Variants in GABPB2 observed in about 807,000 individuals in gnomAD.
The protein encoded by GABPB2 is GA binding protein transcription factor subunit beta 2.
Under a neutral mutation model 39.1 loss-of-function variants are expected in GABPB2, and 23 were observed. That is an observed-to-expected ratio of 0.59 (90% CI 0.42 to 0.83). The LOEUF (loss-of-function observed/expected upper bound fraction) is 0.83. GABPB2 is among the 40% of genes least tolerant of loss of function. The pLI is 0.00. For synonymous variants in GABPB2, 184 were observed against 199.3 expected, an observed-to-expected ratio of 0.92 and a Z score of 0.65; for missense variants, 467 against 541.1, an observed-to-expected ratio of 0.86 and a Z score of 1.36.
intron 1 of GABPB2, among the ~76,000 whole-genome samples, chr1:151,087,757 C>T (rs779759876): frequency 6.6e-6 from 1 of 152,080 alleles, no homozygotes; most frequent in Non-Finnish European, 1.5e-5. Context: ...CTAATAAGGG[C>T]TCTCATAATT....
At chr1:151,107,602 C>T (rs978975743) in intron 7 of GABPB2, among the ~76,000 whole-genome samples, 6 of 151,546 alleles carry the variant, frequency 4.0e-5, no homozygotes, top group South Asian at 2.1e-4. Flanking sequence ...CCTGGGTTCA[C>T]GCACCCGGGT....
intron 3 of GABPB2, among the ~76,000 whole-genome samples, chr1:151,092,013 C>A (rs1417841221): frequency 6.6e-6 from 1 of 151,528 alleles, no homozygotes. Flanking sequence ...CCCAGGCTGG[C>A]CTTGCACTCC....
intron 1 of GABPB2, among the ~76,000 whole-genome samples, chr1:151,079,403 G>A (rs587717141): frequency 2.0e-5 from 3 of 151,984 alleles, no homozygotes; most frequent in Non-Finnish European, 2.9e-5. Context: ...TTAGCCAGGC[G>A]TGGTAGTAGG....
chr1:151,080,021 C>A (rs954093848), intron 1 of GABPB2, among the ~76,000 whole-genome samples: 2 of 151,536 alleles, frequency 1.3e-5, no homozygotes, highest in African/African-American at 4.9e-5. Context: ...TCAAGACCAG[C>A]CTGGCCAAGG....
intron 1 of GABPB2, among the ~76,000 whole-genome samples, chr1:151,083,926 A>G (rs1241447279): frequency 1.3e-5 from 2 of 150,160 alleles, no homozygotes; most frequent in Non-Finnish European, 3.0e-5. Flanking sequence ...TTTTTAGTAG[A>G]GATGGGGTTT....
At chr1:151,099,856 G>A (rs1250851690) in intron 5 of GABPB2, among the ~76,000 whole-genome samples, 3 of 152,166 alleles carry the variant, frequency 2.0e-5, no homozygotes, top group Non-Finnish European at 4.4e-5. Context: ...CCTACTTTAT[G>A]AGGTTGTTGT....
In GABPB2 at chr1:151,071,451, C is replaced by CTTTT. The variant is rs1553259139; in HGVS notation, c.-1+518_-1+519insTTTT. Among the ~76,000 whole-genome samples, 31 of 10,894 alleles carry CTTTT rather than the reference C, an allele frequency of 2.8e-3. 1 individual carries two copies. Among genetic ancestry groups the CTTTT allele is most frequent in the African/African-American group, 6.4e-3 (29 of 4,528 alleles). The allele number at this position is 10,894 out of a possible 152,430, so 7.1% of individuals were successfully genotyped here. On this transcript the variant is annotated intron_variant, in intron 1 of 8. Coordinates refer to ENST00000368918, the MANE Select transcript of GABPB2 (RefSeq NM_144618.3). ...TACGGGCCCCGCCTCTGCTTTTTTG[C>CTTTT]TCTTTTTTTTTTTTTTTTCAAAACT...
In GABPB2 at chr1:151,075,242, A is replaced by AAC. The variant is rs371057504; in HGVS notation, c.-1+4311_-1+4312dup. Among the ~76,000 whole-genome samples the AAC allele has an allele frequency of 3.9e-5, 6 of 151,904 alleles. No individual in the cohort carries two copies. In the East Asian group the frequency reaches 1.2e-3, roughly 30 times the overall value. Reference sequence around the variant, plus strand: ...TCAGGAGATCAAGACCATCCTGGCTAACACGGTGAAACTCCATCTGTACTA... The same window carrying AAC: ...TCAGGAGATCAAGACCATCCTGGCTAACACACGGTGAAACTCCATCTGTACTA... On this transcript the variant is annotated intron_variant, in intron 1 of 8. Coordinates refer to ENST00000368918, the MANE Select transcript of GABPB2 (RefSeq NM_144618.3).
chr1:151,106,805 GTTA>G (rs1259618799), intron 6 of GABPB2, among the ~76,000 whole-genome samples: 2 of 152,174 alleles, frequency 1.3e-5, no homozygotes, highest in Non-Finnish European at 2.9e-5. Flanking sequence ...TTTAGTGAAA[GTTA>G]TTAATACCTC....
Position 151,121,793 on chromosome 1 carries a change from G to A in GABPB2, c.*3537G>A, listed in dbSNP as rs587642487. On this transcript the variant is annotated 3_prime_UTR_variant, in exon 9 of 9. Transcript: ENST00000368918. Reference sequence around the variant, plus strand: ...GCATGGAGTTTTTCCCAAAGAAAGGGAATATGGATGGAGAGAGAGAGGTTA... The same window carrying A: ...GCATGGAGTTTTTCCCAAAGAAAGGAAATATGGATGGAGAGAGAGAGGTTA... 6.6e-6 allele frequency: 1 copy of A among 152,296 alleles called. No individual in the cohort carries two copies. The highest frequency in any genetic ancestry group is 2.1e-4 in the South Asian group (1 of 4,828). 9.4% of individuals were successfully genotyped at this position (152,296 alleles called of 1,614,324 possible).
chr1:151,072,604 G>A (rs587691848), intron 1 of GABPB2, among the ~76,000 whole-genome samples: 2 of 151,790 alleles, frequency 1.3e-5, no homozygotes, highest in East Asian at 3.9e-4. Context: ...CCAGCACTTT[G>A]GGAGGCCGAG....
In GABPB2 at chr1:151,107,124, T is replaced by C. The variant is rs764627399; in HGVS notation, c.824T>C (p.Ile275Thr). ...AGTGGAGGCCAGAGGGTCATCACCA[T>C]AGTGACTGATGGAGTCCCTCTGGGT... is the stretch of plus-strand genomic sequence containing the variant. ...MGSGGQRVITIVTDGVPLGNI... is the reference protein window; with the variant it reads ...MGSGGQRVITTVTDGVPLGNI... The change falls in exon 7 of 9, where the codon ATA becomes ACA. Residue 275 changes from isoleucine (I) to threonine (T), a missense_variant. Physicochemically the swap from Ile to Thr is moderately conservative, Grantham distance 89. Transcript: ENST00000368918. 2.5e-6 allele frequency: 4 copies of C among 1,612,140 alleles called. No individual in the cohort carries two copies. The African/African-American group carries it at 5.3e-5, about 22-fold the overall frequency.
intron 1 of GABPB2, among the ~76,000 whole-genome samples, chr1:151,075,708 C>CA (rs781233999): frequency 1.1e-4 from 16 of 147,400 alleles, no homozygotes; most frequent in Non-Finnish European, 4.5e-5. Flanking sequence ...GACTTCATCT[C>CA]AAAAAAACCC....
chr1:151,077,052 C>T (rs587604172), intron 1 of GABPB2, among the ~76,000 whole-genome samples: 3 of 152,230 alleles, frequency 2.0e-5, no homozygotes, highest in African/African-American at 7.2e-5. Flanking sequence ...CTGGGCCTCC[C>T]AAAGTGCTGG....
chr1:151,109,364 A>ATATTTTT (rs779537595), intron 7 of GABPB2, among the ~76,000 whole-genome samples: 5,045 of 112,318 alleles, frequency 0.045, 170 homozygotes, highest in Middle Eastern at 0.07. Context: ...ATATATATAT[A>ATATTTTT]TTTTTTTTTT....
intron 6 of GABPB2, among the ~76,000 whole-genome samples, chr1:151,104,707 T>C (rs1044042850): frequency 2.6e-5 from 4 of 152,172 alleles, no homozygotes; most frequent in Non-Finnish European, 4.4e-5. Context: ...CCTAGATGTG[T>C]TGCATATGGA....
intron 3 of GABPB2, among the ~76,000 whole-genome samples, chr1:151,091,803 A>G (rs1484874531): frequency 6.6e-6 from 1 of 151,996 alleles, no homozygotes. Flanking sequence ...AATTTGAGAC[A>G]GGGTCTCACT....
intron 7 of GABPB2, among the ~76,000 whole-genome samples, chr1:151,114,439 T>G (rs1002654142): frequency 2.6e-5 from 4 of 152,024 alleles, no homozygotes; most frequent in African/African-American, 7.2e-5. Flanking sequence ...AGGGCCGGGC[T>G]CAGTGGCTCA....
intron 3 of GABPB2, 119 bp from the exon 4 acceptor site, chr1:151,093,073 A>T: frequency 1.4e-6 from 1 of 738,242 alleles, no homozygotes; most frequent in Non-Finnish European, 2.1e-6. Flanking sequence ...GATATTCCTT[A>T]AATGTGATCT....
Sources: gnomAD v4.1 joint callset for allele counts (sites outside exome capture counted in the v4.1 genomes callset) on GRCh38, gnomAD v4.1.1 for gene constraint, MANE v1.5 for transcripts, NCBI Gene and HGNC (gene_info 2026-07-23, HGNC 2026-07-21) for gene names.